MGAM: variants seen among roughly 807,000 people sequenced by gnomAD.
The protein encoded by MGAM is maltase-glucoamylase.
A neutral mutation model predicts 358.8 loss-of-function variants in MGAM; 253 were observed. The observed-to-expected ratio is 0.71, with a 90% CI of 0.64 to 0.78. The LOEUF is 0.78. MGAM is among the 30% of genes least tolerant of loss of function. The pLI is 0.00. For synonymous variants in MGAM, 1,105 were observed against 1,227.1 expected (o/e 0.90, Z 2.08); for missense variants, 3,080 against 3,432.6 (o/e 0.90, Z 2.57).
At position 142,046,102 on chromosome 7, in the gene MGAM, T is replaced by G. The variant is rs192834993; in HGVS notation, c.2499-1683T>G. 2.0e-3 allele frequency among the ~76,000 whole-genome samples: 283 copies of G among 143,874 alleles called. 6 individuals carry two copies. Among genetic ancestry groups the G allele is most frequent in the African/African-American group, 6.8e-3 (270 of 39,554 alleles). The allele number at this position is 143,874 out of a possible 152,430, so 94.4% of individuals were successfully genotyped here. ...GAAATTTATATGTGTAATTATATAT[T>G]TATTTTTATATTTATATATTTATTA... On this transcript the variant is annotated intron_variant, in intron 21 of 70. Coordinates refer to ENST00000475668, the MANE Select transcript of MGAM (RefSeq NM_001365693.1).
chr7:142,022,776 G>A (rs1584932778), intron 7 of MGAM, among the ~76,000 whole-genome samples: 1 of 152,160 alleles, frequency 6.6e-6, no homozygotes, highest in Non-Finnish European at 1.5e-5. Context: ...ATATGGAGAA[G>A]ATATTATTAA....
Position 142,092,797 on chromosome 7 carries a change from C to T in MGAM, c.7033+189C>T, listed in dbSNP as rs77433812. Among the ~76,000 whole-genome samples, 304 of 146,896 alleles carry T rather than the reference C, an allele frequency of 2.1e-3. 38 individuals carry two copies. In the South Asian group the frequency reaches 0.042, roughly 20 times the overall value. On this transcript the variant is annotated intron_variant, in intron 59 of 70. Coordinates refer to ENST00000475668, the MANE Select transcript of MGAM (RefSeq NM_001365693.1). The stretch of plus-strand genomic sequence containing the variant: ...CTGGGCATGTGCAAGTGACTAGACT[C>T]ATTGCACAAATTTTTTGAATTTGTC...
chr7:142,097,157 T>G (rs905098080), intron 65 of MGAM, among the ~76,000 whole-genome samples: 1 of 152,056 alleles, frequency 6.6e-6, no homozygotes, highest in Non-Finnish European at 1.5e-5. Context: ...CAGGATGGTC[T>G]TGATCTCCTG....
chr7:142,096,646 A>T (rs1467551522), intron 65 of MGAM, among the ~76,000 whole-genome samples: 2 of 152,254 alleles, frequency 1.3e-5, no homozygotes, highest in African/African-American at 4.8e-5. Context: ...TCAAGAAGAA[A>T]ACACCTCATG....
intron 22 of MGAM, among the ~76,000 whole-genome samples, chr7:142,048,521 A>AG (rs1810635727): frequency 1.9e-5 from 1 of 53,840 alleles, no homozygotes; most frequent in African/African-American, 3.6e-5. Context: ...ACCCAATGTT[A>AG]ATGTCTTCCT....
chr7:142,100,008 G>A (rs1323747176), intron 67 of MGAM, among the ~76,000 whole-genome samples: 2 of 151,972 alleles, frequency 1.3e-5, no homozygotes, highest in Non-Finnish European at 2.9e-5. Flanking sequence ...GTCAAAATAG[G>A]AGCCACCACG....
intron 19 of MGAM, among the ~76,000 whole-genome samples, chr7:142,038,874 G>A (rs1055276589): frequency 3.3e-5 from 5 of 152,114 alleles, no homozygotes; most frequent in African/African-American, 1.2e-4. Context: ...AGTTATGTTA[G>A]GTTGTTCTTG....
Position 142,018,895 on chromosome 7 carries a change from G to A in MGAM, c.328-304G>A, listed in dbSNP as rs1209764661. Among the ~76,000 whole-genome samples the A allele has an allele frequency of 2.0e-5, 3 of 151,968 alleles. No individual in the cohort carries two copies. The East Asian group carries it at 5.8e-4, about 29-fold the overall frequency. On this transcript the variant is annotated intron_variant, in intron 3 of 70. Transcript: ENST00000475668. ...CCATTTGTAATTTTGGATTACTGGT[G>A]ATATAGCTATATTATTGTTTAGACT...
At position 142,093,393 on chromosome 7, in the gene MGAM, A is replaced by G. The variant is rs771031215; in HGVS notation, c.7034-19A>G. 3.4e-5 allele frequency: 52 copies of G among 1,527,666 alleles called. 10 individuals are homozygous for G. The highest frequency in any genetic ancestry group is 4.2e-5 in the Non-Finnish European group (47 of 1,117,970). The allele number at this position is 1,527,666 out of a possible 1,614,324, so 94.6% of individuals were successfully genotyped here. On this transcript the variant is annotated intron_variant, in intron 59 of 70. Transcript: ENST00000475668. The stretch of plus-strand genomic sequence containing the variant: ...CAGAATCAGGGCTGGATTTCACCTC[A>G]CCAGTTCTTCCTCCTCAGATTTGGA...
In MGAM at chr7:142,066,566, C is replaced by G. The variant is rs766671314; in HGVS notation, c.4771-7C>G. 15 of 1,554,312 alleles carry G rather than the reference C, an allele frequency of 9.7e-6. 2 individuals carry two copies. Among genetic ancestry groups the G allele is most frequent in the Non-Finnish European group, 8.8e-6 (10 of 1,132,396 alleles). On this transcript the variant is annotated splice_polypyrimidine_tract_variant and splice_region_variant and intron_variant, in intron 40 of 70. Coordinates refer to ENST00000475668, the MANE Select transcript of MGAM (RefSeq NM_001365693.1). ...GAGCTCCCAACACTGTTCTCTTTCT[C>G]CTTTAGAGACAAGACCCTGTGTCCT...
chr7:141,995,879 ATTG>A lies in MGAM; in HGVS notation c.-53_-51del, dbSNP rs1563094754. 1 of 152,184 alleles carries A rather than the reference ATTG, an allele frequency of 6.6e-6. No homozygotes were observed. The highest frequency in any genetic ancestry group is 1.5e-5 in the Non-Finnish European group (1 of 68,046). 9.4% of individuals were successfully genotyped at this position (152,184 alleles called of 1,614,324 possible). A position where few individuals can be genotyped will look rare whatever the true frequency, so the allele number is the denominator to read the frequency against. ...TGGTGGACTGTGCTCCTCTGCTTTT[ATTG>A]CTAAGCCATCCTTCAGACAGAGAGG... On this transcript the variant is annotated 5_prime_UTR_variant, in exon 1 of 71. Transcript: ENST00000475668.
intron 17 of MGAM, 132 bp downstream of exon 17, chr7:142,036,417 T>C (rs1808002553): frequency 2.8e-6 from 2 of 702,718 alleles, no homozygotes; most frequent in Non-Finnish European, 4.9e-6. Context: ...TGCACTATCA[T>C]GTGCAATTAA....
chr7:142,090,603 A>C (rs1406777421), intron 57 of MGAM, among the ~76,000 whole-genome samples: 2 of 145,872 alleles, frequency 1.4e-5, no homozygotes, highest in South Asian at 4.4e-4. Flanking sequence ...TTATGTAGAC[A>C]TATGGGTTCC....
Position 142,093,553 on chromosome 7 carries a change from G to A in MGAM, c.7172+3G>A, listed in dbSNP as rs1161414461. 3 of 1,497,704 alleles carry A rather than the reference G, an allele frequency of 2.0e-6. No individual in the cohort carries two copies. The highest frequency in any genetic ancestry group is 2.7e-5 in the African/African-American group (2 of 72,852). 92.8% of individuals were successfully genotyped at this position (1,497,704 alleles called of 1,614,324 possible). A position where few individuals can be genotyped will look rare whatever the true frequency, so the allele number is the denominator to read the frequency against. On this transcript the variant is annotated splice_donor_region_variant and intron_variant, in intron 60 of 70. Transcript: ENST00000475668. ...TCCCAGACCAGACCCACATACGAGT[G>A]AGTCTCTGTCTCCCTTCTCCAGCTG...
chr7:142,026,682 G>A (rs1196309280), intron 8 of MGAM, among the ~76,000 whole-genome samples: 1 of 152,132 alleles, frequency 6.6e-6, no homozygotes, highest in Non-Finnish European at 1.5e-5. Context: ...AAGACTAGAG[G>A]TACTCCTTGG....
intron 49 of MGAM, among the ~76,000 whole-genome samples, chr7:142,079,912 T>C (rs1298607813): frequency 2.0e-5 from 3 of 146,574 alleles, no homozygotes; most frequent in Non-Finnish European, 1.5e-5. Flanking sequence ...AGGCACCTAA[T>C]GGGTTTGAAG....
At chr7:142,052,154 A>G (rs1811038794) in intron 24 of MGAM, 140 bp from the exon 25 acceptor site, 1 of 726,362 alleles carries the variant, frequency 1.4e-6, no homozygotes, top group Non-Finnish European at 2.2e-6. Context: ...TTCTCTTCTT[A>G]TAAGCTAAAG....
chr7:142,021,511 T>C (rs1806453239), intron 5 of MGAM, 75 bp from the exon 6 acceptor site: 1 of 1,424,264 alleles, frequency 7.0e-7, no homozygotes, highest in South Asian at 1.3e-5. Context: ...CTGATTCCAG[T>C]ATCCTAAGTA....
At chr7:142,038,789 T>C (rs1185119174) in intron 19 of MGAM, among the ~76,000 whole-genome samples, 174 bp downstream of exon 19, 1 of 152,196 alleles carries the variant, frequency 6.6e-6, no homozygotes, top group East Asian at 1.9e-4. Context: ...ACATTTTTCT[T>C]TCTAGAATTT....
Sources: gnomAD v4.1 joint callset for allele counts (sites outside exome capture counted in the v4.1 genomes callset) on GRCh38, gnomAD v4.1.1 for gene constraint, MANE v1.5 for transcripts, NCBI Gene and HGNC (gene_info 2026-07-23, HGNC 2026-07-21) for gene names.